Variants in HS3ST4 observed in about 807,000 individuals in gnomAD.
The protein encoded by HS3ST4 is heparan sulfate glucosamine 3-O-sulfotransferase 4.
Under a neutral mutation model 29.2 loss-of-function variants are expected in HS3ST4, and 17 were observed. The ratio of observed to expected loss-of-function variants is 0.58; its 90% CI spans 0.40 to 0.87. The LOEUF is 0.87. Ranked by LOEUF, HS3ST4 falls within the 40% of genes least tolerant of loss-of-function variation. HS3ST4 has a pLI of 0.00. For synonymous variants in HS3ST4, 314 were observed against 285.7 expected, an observed-to-expected ratio of 1.10 and a Z score of -1.00; for missense variants, 627 against 634.5, an observed-to-expected ratio of 0.99 and a Z score of 0.13.
At chr16:25,761,294 T>C (rs1048283872) in intron 1 of HS3ST4, among the ~76,000 whole-genome samples, 6 of 152,212 alleles carry the variant, frequency 3.9e-5, no homozygotes, top group African/African-American at 1.4e-4. Context: ...TTCTGTGAGA[T>C]GGAAATGTTC....
At chr16:26,065,407 G>A (rs1169263999) in intron 1 of HS3ST4, among the ~76,000 whole-genome samples, 1 of 152,188 alleles carries the variant, frequency 6.6e-6, no homozygotes, top group African/African-American at 2.4e-5. Context: ...TCACTCATAA[G>A]TGGGAGCTAA....
intron 1 of HS3ST4, among the ~76,000 whole-genome samples, chr16:25,957,556 T>A (rs1455012686): frequency 2.0e-5 from 3 of 152,146 alleles, no homozygotes; most frequent in Non-Finnish European, 2.9e-5. Context: ...TAGCTGGGAT[T>A]ATAGGCATAG....
chr16:25,877,589 G>A (rs1435851685), intron 1 of HS3ST4, among the ~76,000 whole-genome samples: 5 of 152,150 alleles, frequency 3.3e-5, no homozygotes, highest in Non-Finnish European at 7.4e-5. Flanking sequence ...AATGCTGGCA[G>A]CCACCAGAAG....
At chr16:25,803,594 C>G (rs1966962102) in intron 1 of HS3ST4, among the ~76,000 whole-genome samples, 1 of 152,026 alleles carries the variant, frequency 6.6e-6, no homozygotes, top group South Asian at 2.1e-4. Context: ...TTCTTGTAGA[C>G]TTTTTAGTTT....
At chr16:25,957,580 G>A (rs907959650) in intron 1 of HS3ST4, among the ~76,000 whole-genome samples, 12 of 152,050 alleles carry the variant, frequency 7.9e-5, no homozygotes, top group Non-Finnish European at 1.3e-4. Context: ...ACCACTCACC[G>A]CTAATTTTTT....
intron 1 of HS3ST4, among the ~76,000 whole-genome samples, chr16:25,999,315 G>C (rs1424310981): frequency 6.6e-6 from 1 of 152,038 alleles, no homozygotes; most frequent in Non-Finnish European, 1.5e-5. Context: ...TTGAGAATGG[G>C]GTGGGTTTTT....
intron 1 of HS3ST4, among the ~76,000 whole-genome samples, chr16:25,789,938 A>G (rs1350078631): frequency 6.6e-6 from 1 of 152,218 alleles, no homozygotes; most frequent in Non-Finnish European, 1.5e-5. Context: ...CTGTATGAAT[A>G]TACTGAAAAT....
intron 1 of HS3ST4, among the ~76,000 whole-genome samples, chr16:25,729,383 A>G (rs1418731205): frequency 1.3e-5 from 2 of 152,216 alleles, no homozygotes; most frequent in African/African-American, 2.4e-5. Flanking sequence ...TAAACGCCAC[A>G]GCACGCCCAC....
intron 1 of HS3ST4, among the ~76,000 whole-genome samples, chr16:25,946,725 A>G (rs1227128628): frequency 6.6e-6 from 1 of 152,208 alleles, no homozygotes; most frequent in African/African-American, 2.4e-5. Context: ...TGCTAAGAGC[A>G]TAGGGAACGG....
chr16:25,873,658 GTCCATCCATCCATCCA>G (rs748088571), intron 1 of HS3ST4, among the ~76,000 whole-genome samples: 34 of 84,594 alleles, frequency 4.0e-4, no homozygotes, highest in East Asian at 2.5e-3. Flanking sequence ...CCATCCGTCC[GTCCATCCATCCATCCA>G]TCCATCCATC....
At chr16:26,113,195 A>G (rs1355520025) in intron 1 of HS3ST4, among the ~76,000 whole-genome samples, 1 of 152,202 alleles carries the variant, frequency 6.6e-6, no homozygotes, top group African/African-American at 2.4e-5. Flanking sequence ...CATTTTTCAA[A>G]TAAAAAAGAT....
At position 25,765,072 on chromosome 16, in the gene HS3ST4, G is replaced by A. The variant is rs1057386868; in HGVS notation, c.734+71921G>A. Among the ~76,000 whole-genome samples the A allele has an allele frequency of 4.1e-4, 63 of 152,220 alleles. 1 individual carries two copies. The highest frequency in any genetic ancestry group is 3.3e-4 in the Admixed American group (5 of 15,286). On this transcript the variant is annotated intron_variant, in intron 1 of 1. Coordinates refer to ENST00000331351, the MANE Select transcript of HS3ST4 (RefSeq NM_006040.3). Reference sequence around the variant, plus strand: ...CACAGCCATGTTTTTGAGCTCTCTTGACCATTGGAGCATGGCGGAGGGAGA... The same window carrying A: ...CACAGCCATGTTTTTGAGCTCTCTTAACCATTGGAGCATGGCGGAGGGAGA...
chr16:26,100,267 C>T (rs1026587258), intron 1 of HS3ST4, among the ~76,000 whole-genome samples: 4 of 152,120 alleles, frequency 2.6e-5, no homozygotes, highest in African/African-American at 9.7e-5. Flanking sequence ...AACAAACCTG[C>T]ACATCTACCT....
chr16:25,889,982 C>T (rs2141668417), intron 1 of HS3ST4, among the ~76,000 whole-genome samples: 1 of 152,296 alleles, frequency 6.6e-6, no homozygotes, highest in Admixed American at 6.5e-5. Flanking sequence ...GAGGCCTCCC[C>T]AGCCATGTGG....
intron 1 of HS3ST4, among the ~76,000 whole-genome samples, chr16:25,769,758 A>G (rs1966839591): frequency 6.6e-6 from 1 of 152,218 alleles, no homozygotes; most frequent in Non-Finnish European, 1.5e-5. Flanking sequence ...CCGCTCCTAG[A>G]TAATGAACGC....
At chr16:25,738,288 C>T (rs1051885004) in intron 1 of HS3ST4, among the ~76,000 whole-genome samples, 20 of 152,100 alleles carry the variant, frequency 1.3e-4, no homozygotes, top group Non-Finnish European at 7.4e-5. Context: ...CCTAGTAAAC[C>T]ACAGCTAAGC....
At chr16:25,958,588 C>T (rs749565346) in intron 1 of HS3ST4, among the ~76,000 whole-genome samples, 1 of 152,202 alleles carries the variant, frequency 6.6e-6, no homozygotes, top group Non-Finnish European at 1.5e-5. Context: ...TCCTTGGCCT[C>T]CCAGAGTGCT....
chr16:25,871,999 C>T (rs1292616048), intron 1 of HS3ST4, among the ~76,000 whole-genome samples: 2 of 152,084 alleles, frequency 1.3e-5, no homozygotes, highest in African/African-American at 2.4e-5. Context: ...GTCCAGTTTG[C>T]CCTAACCTAA....
chr16:25,877,186 G>A (rs900740509), intron 1 of HS3ST4, among the ~76,000 whole-genome samples: 1 of 152,064 alleles, frequency 6.6e-6, no homozygotes, highest in Non-Finnish European at 1.5e-5. Flanking sequence ...CTCAGTGATT[G>A]TACTGGGTTG....
Sources: gnomAD v4.1 joint callset for allele counts (sites outside exome capture counted in the v4.1 genomes callset) on GRCh38, gnomAD v4.1.1 for gene constraint, MANE v1.5 for transcripts, NCBI Gene and HGNC (gene_info 2026-07-23, HGNC 2026-07-21) for gene names.